Variants in ABCA4 observed in about 807,000 individuals in gnomAD.
ABCA4 encodes retinal-specific phospholipid-transporting ATPase ABCA4.
In ABCA4, 196 loss-of-function variants were observed where a neutral mutation model predicts 263.7. That is an observed-to-expected ratio of 0.74 (90% CI 0.66 to 0.84). The LOEUF is 0.84. Ranked by LOEUF, ABCA4 falls within the 40% of genes least tolerant of loss-of-function variation. ABCA4 has a pLI of 0.00. For synonymous variants in ABCA4, 1,133 were observed against 1,094.2 expected (o/e 1.04, Z -0.70); for missense variants, 2,792 against 2,855.1 (o/e 0.98, Z 0.50).
intron 26 of ABCA4, among the ~76,000 whole-genome samples, chr1:94,033,435 A>G (rs1243104089): frequency 6.6e-6 from 1 of 151,418 alleles, no homozygotes; most frequent in East Asian, 1.9e-4. Context: ...AAAAAAAAAA[A>G]AAGAAAAAAA....
At chr1:94,010,051 C>T (rs1005978697) in intron 40 of ABCA4, among the ~76,000 whole-genome samples, 1 of 152,184 alleles carries the variant, frequency 6.6e-6, no homozygotes. Flanking sequence ...AAACATAAAA[C>T]CAAGTCCTTG....
At position 94,002,030 on chromosome 1, in the gene ABCA4, G is replaced by A. The variant is rs758601345; in HGVS notation, c.6148-38C>T. ...AAGAAATGCCATTTGGAGAAGACAAGCAAACACCCCAAACCTCCCCCAGTT... is the reference window on the plus strand; with the variant it reads ...AAGAAATGCCATTTGGAGAAGACAAACAAACACCCCAAACCTCCCCCAGTT... On this transcript the variant is annotated intron_variant, in intron 44 of 49. Transcript: ENST00000370225. 30 of 1,613,800 alleles carry A rather than the reference G, an allele frequency of 1.9e-5. No individual in the cohort carries two copies. In the Middle Eastern group the frequency reaches 4.9e-4, roughly 27 times the overall value.
At chr1:94,103,687 G>A (rs915075053) in intron 4 of ABCA4, among the ~76,000 whole-genome samples, 2 of 152,164 alleles carry the variant, frequency 1.3e-5, no homozygotes, top group Non-Finnish European at 2.9e-5. Flanking sequence ...TTCCCACACC[G>A]CAGCTGTCAC....
chr1:94,035,411 C>T (rs1046749656), intron 26 of ABCA4, among the ~76,000 whole-genome samples: 5 of 152,172 alleles, frequency 3.3e-5, no homozygotes, highest in African/African-American at 9.7e-5. Flanking sequence ...ACCCACTGTG[C>T]CAGGACGACT....
At chr1:94,091,371 A>G (rs753796570) in intron 6 of ABCA4, among the ~76,000 whole-genome samples, 3 of 152,078 alleles carry the variant, frequency 2.0e-5, no homozygotes, top group Non-Finnish European at 4.4e-5. Context: ...GTACCTGTTC[A>G]CAGTTGCCTG....
chr1:94,078,696 G>C lies in ABCA4; in HGVS notation c.1250C>G (p.Thr417Ser). The C allele has an allele frequency of 1.2e-6, 2 of 1,612,940 alleles. No individual in the cohort carries two copies. Among genetic ancestry groups the C allele is most frequent in the Non-Finnish European group, 8.5e-7 (1 of 1,179,090 alleles). The change falls in exon 10 of 50, where the codon ACT becomes AGT. Residue 417 changes from threonine to serine, a missense_variant. Thr to Ser is a moderately conservative substitution (Grantham distance 58). Transcript: ENST00000370225. ...CCTAACGTGTTCCAGTTCTTCAAAA[G>C]TTGAGTTGGCCTAAAACCAGACAGA... Reference protein sequence around the residue: ...ARRILKNANSTFEELEHVRKL... With the variant: ...ARRILKNANSSFEELEHVRKL...
chr1:94,036,578 T>C (rs1405105074), intron 26 of ABCA4, among the ~76,000 whole-genome samples, 162 bp downstream of exon 26: 2 of 152,072 alleles, frequency 1.3e-5, no homozygotes, highest in Non-Finnish European at 2.9e-5. Context: ...GGTTTCACCA[T>C]GTTGGCCAGG....
rs561234104 is a variant in ABCA4 at position 94,037,416 on chromosome 1, C to T, written c.3608-66G>A. 1.7e-5 allele frequency: 25 copies of T among 1,471,324 alleles called. No individual in the cohort carries two copies. The South Asian group carries it at 2.8e-4, about 17-fold the overall frequency. 91.1% of individuals were successfully genotyped at this position (1,471,324 alleles called of 1,614,324 possible). ...GAAACTGGAAGACTGTGAGGTTACCCAGATTTCCTACTTCTCTCCACTTCC... is the reference window on the plus strand; with the variant it reads ...GAAACTGGAAGACTGTGAGGTTACCTAGATTTCCTACTTCTCTCCACTTCC... On this transcript the variant is annotated intron_variant, in intron 24 of 49. Transcript: ENST00000370225.
At chr1:94,098,370 G>T (rs760639688) in intron 6 of ABCA4, among the ~76,000 whole-genome samples, 1 of 152,160 alleles carries the variant, frequency 6.6e-6, no homozygotes, top group Non-Finnish European at 1.5e-5. Flanking sequence ...TACTTTTCTT[G>T]TATAATTCCT....
intron 1 of ABCA4, among the ~76,000 whole-genome samples, chr1:94,119,968 AC>A (rs1662903230): frequency 6.6e-6 from 1 of 151,022 alleles, no homozygotes; most frequent in African/African-American, 2.4e-5. Context: ...TCCTAATCTC[AC>A]CCCTACCCAG....
intron 11 of ABCA4, 129 bp from the exon 12 acceptor site, chr1:94,063,446 CTT>C (rs1485095372): frequency 1.1e-6 from 1 of 913,780 alleles, no homozygotes; most frequent in Non-Finnish European, 1.8e-6. Flanking sequence ...GGCCTATAAA[CTT>C]AATGTTTGCT....
Position 94,008,817 on chromosome 1 carries a change from T to C in ABCA4, c.5769A>G (p.Glu1923=). 2 of 1,613,916 alleles carry C rather than the reference T, an allele frequency of 1.2e-6. No individual in the cohort carries two copies. The highest frequency in any genetic ancestry group is 2.2e-5 in the East Asian group (1 of 44,870). The stretch of plus-strand genomic sequence containing the variant: ...CACCAGTAATAATTCTTTGTCTTTC[T>C]TCAGCCACATCATCATCTTCATCAA... ...PIVDEDDDVA[E]ERQRIITGGN... Residue 1923 remains glutamate (E), a synonymous_variant, in exon 41 of 50, where the codon GAA becomes GAG. Transcript: ENST00000370225.
At chr1:94,116,314 C>T (rs904596286) in intron 1 of ABCA4, among the ~76,000 whole-genome samples, 3 of 151,902 alleles carry the variant, frequency 2.0e-5, no homozygotes, top group Non-Finnish European at 4.4e-5. Context: ...TTGATTAGGT[C>T]AGCACTTCTC....
chr1:94,113,179 G>T, intron 1 of ABCA4, 113 bp from the exon 2 acceptor site: 1 of 987,206 alleles, frequency 1.0e-6, no homozygotes, highest in Non-Finnish European at 1.6e-6. Flanking sequence ...TAGGACTTTG[G>T]TTGTGGTATC....
rs750526487 is a variant in ABCA4, at chr1:94,029,577, G to A, written c.4407C>T (p.Asn1469=). 6.2e-7 allele frequency: 1 copy of A among 1,613,936 alleles called. No homozygotes were observed. Among genetic ancestry groups the A allele is most frequent in the Non-Finnish European group, 8.5e-7 (1 of 1,179,970 alleles). ...TCTGCTTCTGGAACAGCTGGGTGAT[G>A]TTTGGGGACACAGAAGGAGTCTTCC... The part of the protein sequence containing the change: ...TPWKTPSVSP[N]ITQLFQKQKW... Residue 1469 remains asparagine (N), a synonymous_variant, in exon 30 of 50, where the codon AAC becomes AAT. Coordinates refer to ENST00000370225, the MANE Select transcript of ABCA4 (RefSeq NM_000350.3).
At chr1:94,024,923 G>C (rs1265510189) in intron 31 of ABCA4, 31 bp downstream of exon 31, 1 of 1,555,022 alleles carries the variant, frequency 6.4e-7, no homozygotes, top group African/African-American at 1.4e-5. Flanking sequence ...CAGGGAGCCA[G>C]GATAAAAAGC....
At chr1:94,081,827 G>C (rs1262712861) in intron 7 of ABCA4, among the ~76,000 whole-genome samples, 6 of 152,230 alleles carry the variant, frequency 3.9e-5, no homozygotes, top group Admixed American at 3.9e-4. Flanking sequence ...AAGGCTGGTG[G>C]AGCTGCCAGT....
At chr1:94,001,485 A>C (rs1659181164) in intron 45 of ABCA4, 2 of 526,026 alleles carry the variant, frequency 3.8e-6, no homozygotes, top group Non-Finnish European at 7.2e-6. Flanking sequence ...CTGCGTGGGC[A>C]TGGCCTCAGG....
At position 94,037,236 on chromosome 1, in the gene ABCA4, CT is replaced by C; in HGVS notation, c.3721del (p.Arg1241GlufsTer34). 1 of 1,614,224 alleles carries C rather than the reference CT, an allele frequency of 6.2e-7. No individual in the cohort carries two copies. The highest frequency in any genetic ancestry group is 8.5e-7 in the Non-Finnish European group (1 of 1,180,044). On this transcript the variant is annotated frameshift_variant, in exon 25 of 50. Transcript: ENST00000370225. LOFTEE classifies it high-confidence loss of function. Reference sequence around the variant, plus strand: ...CTCTCTGAAAAGGCTGGCATATGCTCTGTGCTTGAAGTTCTTATTTGGAAGA... The same window carrying C: ...CTCTCTGAAAAGGCTGGCATATGCTCGTGCTTGAAGTTCTTATTTGGAAGA... ...FLLPNKNFKH[R>X]AYASLFRELE...
Sources: allele counts gnomAD v4.1 joint callset (sites outside exome capture counted in the v4.1 genomes callset), GRCh38; gene constraint gnomAD v4.1.1; transcripts MANE v1.5; gene names NCBI Gene and HGNC (gene_info 2026-07-23, HGNC 2026-07-21).